The following IL13RA1 variants were observed in gnomAD, a reference collection of about 807,000 sequenced individuals.
The protein encoded by IL13RA1 is interleukin-13 receptor subunit alpha-1.
A neutral mutation model predicts 33.8 loss-of-function variants in IL13RA1; 14 were observed. That is an observed-to-expected ratio of 0.41 (90% CI 0.27 to 0.65). The LOEUF (loss-of-function observed/expected upper bound fraction) is 0.65, where lower values mean the gene tolerates loss of function less well. IL13RA1 is among the 30% of genes least tolerant of loss of function. The probability of loss-of-function intolerance (pLI) is 0.28; values close to 1 mark genes in which losing one functional copy is unlikely to be tolerated. For missense variants in IL13RA1, 313 were observed against 327.0 expected (o/e 0.96, Z 0.33); for synonymous variants, 116 against 115.7 (o/e 1.00, Z -0.02).
At chrX:118,785,998 T>C (rs1004039541) in intron 10 of IL13RA1, among the ~76,000 whole-genome samples, 2 of 112,495 alleles carry the variant, frequency 1.8e-5, no homozygotes, top group Non-Finnish European at 3.8e-5. Flanking sequence ...ATACTTCAGC[T>C]AGTTTTGAAA....
At chrX:118,798,944 G>C (rs1025850481), downstream of IL13RA1, among the ~76,000 whole-genome samples, 1 of 112,464 alleles carries the variant, frequency 8.9e-6, no homozygotes, top group Non-Finnish European at 1.9e-5. Context: ...CAGCTTGCAG[G>C]GAGGTGTGGA....
At chrX:118,732,551 C>T (rs774321926) in intron 1 of IL13RA1, among the ~76,000 whole-genome samples, 142 of 109,656 alleles carry the variant, frequency 1.3e-3, no homozygotes, top group African/African-American at 4.5e-3. Context: ...TATCCCTCCC[C>T]CATCCCCCCA....
At chrX:118,757,542 AAAG>A (rs1307706403) in intron 4 of IL13RA1, among the ~76,000 whole-genome samples, 21 of 106,973 alleles carry the variant, frequency 2.0e-4, no homozygotes, top group African/African-American at 6.1e-4. Flanking sequence ...AAAAAAAAAA[AAAG>A]CAGAAAACAG....
intron 6 of IL13RA1, among the ~76,000 whole-genome samples, chrX:118,764,429 G>C (rs1476177682): frequency 9.1e-6 from 1 of 109,568 alleles, no homozygotes; most frequent in African/African-American, 3.3e-5. Flanking sequence ...TCCCCAACAG[G>C]TCTACGATTC....
chrX:118,757,524 C>CAAAAA, intron 4 of IL13RA1, among the ~76,000 whole-genome samples: 1 of 32,693 alleles, frequency 3.1e-5, no homozygotes, highest in Admixed American at 4.2e-4. Context: ...GACTCTGTCT[C>CAAAAA]AAAAAAAAAA....
chrX:118,741,424 T>C (rs2017343177), intron 2 of IL13RA1, among the ~76,000 whole-genome samples: 1 of 112,327 alleles, frequency 8.9e-6, no homozygotes, highest in Non-Finnish European at 1.9e-5. Context: ...AATAAATAAT[T>C]ATGTTATTGT....
At chrX:118,782,239 AT>A (rs2017852072) in intron 10 of IL13RA1, among the ~76,000 whole-genome samples, 1 of 110,703 alleles carries the variant, frequency 9.0e-6, no homozygotes, top group South Asian at 3.8e-4. Flanking sequence ...CACTCAGCTA[AT>A]TTTTAAATTT....
chrX:118,787,196 C>T (rs1000975813), intron 10 of IL13RA1, among the ~76,000 whole-genome samples: 1 of 111,336 alleles, frequency 9.0e-6, no homozygotes, highest in African/African-American at 3.3e-5. Context: ...TAAGTGTCAG[C>T]CGGTCTGATA....
In IL13RA1 at chrX:118,793,708, T is replaced by C. The variant is rs761629751; in HGVS notation, c.*1854T>C. The C allele has an allele frequency of 1.8e-5, 2 of 112,161 alleles. No homozygotes were observed. Among genetic ancestry groups the C allele is most frequent in the Non-Finnish European group, 3.8e-5 (2 of 53,236 alleles). The allele number at this position is 112,161 out of a possible 1,213,427, so 9.2% of individuals were successfully genotyped here. On this transcript the variant is annotated 3_prime_UTR_variant, in exon 11 of 11. Coordinates refer to ENST00000371666, the MANE Select transcript of IL13RA1 (RefSeq NM_001560.3). ...ACCAATCATATTAATACAATGATGCTATTTGCAATTCCTGCTCCTAGGGGA... is the reference window on the plus strand; with the variant it reads ...ACCAATCATATTAATACAATGATGCCATTTGCAATTCCTGCTCCTAGGGGA...
chrX:118,778,425 T>C (rs1331262993), intron 10 of IL13RA1, among the ~76,000 whole-genome samples: 1 of 111,447 alleles, frequency 9.0e-6, no homozygotes, highest in African/African-American at 3.3e-5. Context: ...TTGTATGCCG[T>C]ATCTGGAGCG....
chrX:118,769,360 T>C (rs2017685170), intron 8 of IL13RA1, among the ~76,000 whole-genome samples: 1 of 112,688 alleles, frequency 8.9e-6, no homozygotes, highest in African/African-American at 3.2e-5. Flanking sequence ...ACAGTGGAAC[T>C]GGAATTTGAG....
intron 8 of IL13RA1, 39 bp downstream of exon 8, chrX:118,767,015 A>T (rs758470052): frequency 1.2e-6 from 1 of 826,533 alleles, no homozygotes. Flanking sequence ...TAAAACACTG[A>T]TGTATAAAAA....
Position 118,727,646 on chromosome X carries a change from G to C in IL13RA1, c.8G>C (p.Trp3Ser). 1 of 923,584 alleles carries C rather than the reference G, an allele frequency of 1.1e-6. No individual in the cohort carries two copies. The highest frequency in any genetic ancestry group is 1.3e-6 in the Non-Finnish European group (1 of 744,752). The allele number at this position is 923,584 out of a possible 1,213,427, so 76.1% of individuals were successfully genotyped here. A position where few individuals can be genotyped will look rare whatever the true frequency, so the allele number is the denominator to read the frequency against. Residue 3 changes from tryptophan (W) to serine (S), a missense_variant, in exon 1 of 11, where the codon TGG (tryptophan) becomes TCG (serine). By Grantham distance (177) the Trp-to-Ser change is radical (BLOSUM62 -3). Coordinates refer to ENST00000371666, the MANE Select transcript of IL13RA1 (RefSeq NM_001560.3). ...TCCGAGGCGAGAGGCTGCATGGAGT[G>C]GCCGGCGCGGCTCTGCGGGCTGTGG... ME[W>S]PARLCGLWAL...
At chrX:118,769,127 G>A (rs1344726547) in intron 8 of IL13RA1, among the ~76,000 whole-genome samples, 2 of 112,106 alleles carry the variant, frequency 1.8e-5, no homozygotes, top group Non-Finnish European at 3.8e-5. Flanking sequence ...TTTTAGAAGT[G>A]AGTCAATTAG....
chrX:118,770,510 A>T, intron 8 of IL13RA1: 1 of 526,730 alleles, frequency 1.9e-6, no homozygotes, highest in Non-Finnish European at 3.3e-6. Flanking sequence ...CCCAACAACA[A>T]CGGCTTCATC....
intron 10 of IL13RA1, 139 bp from the exon 11 acceptor site, chrX:118,791,621 CAA>C (rs11318857): frequency 0.035 from 7,180 of 205,985 alleles, no homozygotes; most frequent in East Asian, 0.046. Context: ...ATTCTTAGGT[CAA>C]AAAAAAAAAA....
At chrX:118,797,914 A>T (rs2018040262), downstream of IL13RA1, among the ~76,000 whole-genome samples, 1 of 111,771 alleles carries the variant, frequency 8.9e-6, no homozygotes, top group Admixed American at 9.5e-5. Flanking sequence ...CAGACACCAT[A>T]ATCTGGGCCT....
downstream of IL13RA1, among the ~76,000 whole-genome samples, chrX:118,795,396 T>C (rs1444988758): frequency 9.0e-6 from 1 of 111,211 alleles, no homozygotes; most frequent in Non-Finnish European, 1.9e-5. Context: ...TCACATTTGC[T>C]AATTACCCTG....
downstream of IL13RA1, among the ~76,000 whole-genome samples, chrX:118,794,929 AAGTC>A (rs1158149699): frequency 3.6e-5 from 4 of 111,573 alleles, no homozygotes; most frequent in African/African-American, 1.3e-4. Flanking sequence ...GAGACCAAGA[AAGTC>A]AGTTTTTGAC....
Sources: gnomAD v4.1 joint callset for allele counts (sites outside exome capture counted in the v4.1 genomes callset) on GRCh38, gnomAD v4.1.1 for gene constraint, MANE v1.5 for transcripts, NCBI Gene and HGNC (gene_info 2026-07-23, HGNC 2026-07-21) for gene names.